Variants in SYNE2 observed in about 807,000 individuals in gnomAD.
The protein encoded by SYNE2 is nesprin-2.
A neutral mutation model predicts 856.3 loss-of-function variants in SYNE2; 431 were observed. The ratio of observed to expected loss-of-function variants is 0.50; its 90% CI spans 0.47 to 0.55. The LOEUF is 0.55. Among genes scored for constraint, SYNE2 ranks in the 20% least tolerant of loss-of-function variants. The pLI, the probability that SYNE2 is intolerant of heterozygous loss-of-function variation, is 0.00. For missense variants in SYNE2, 8,129 were observed against 8,023.2 expected (o/e 1.01, Z -0.50); for synonymous variants, 2,923 against 2,872.3 (o/e 1.02, Z -0.56).
At chr14:63,975,947 A>G (rs1326382795) in intron 11 of SYNE2, among the ~76,000 whole-genome samples, 1 of 152,200 alleles carries the variant, frequency 6.6e-6, no homozygotes, top group Non-Finnish European at 1.5e-5. Flanking sequence ...GGGCAGTGAG[A>G]ATGAAGACAC....
chr14:64,022,177 G>A, intron 37 of SYNE2, 149 bp downstream of exon 37: 1 of 768,800 alleles, frequency 1.3e-6, no homozygotes, highest in Non-Finnish European at 2.1e-6. Flanking sequence ...TCTTTTGGGA[G>A]CAAAGACTGA....
intron 1 of SYNE2, among the ~76,000 whole-genome samples, chr14:63,885,523 A>T (rs112671817): frequency 7.9e-5 from 12 of 152,112 alleles, no homozygotes; most frequent in African/African-American, 2.9e-4. Flanking sequence ...CCAATTTTCT[A>T]TTGTTTACAG....
intron 95 of SYNE2, among the ~76,000 whole-genome samples, chr14:64,177,049 C>T (rs1199602696): frequency 6.6e-6 from 1 of 152,152 alleles, no homozygotes; most frequent in African/African-American, 2.4e-5. Flanking sequence ...CCACCCGCCT[C>T]AGCCTCCCAA....
At chr14:63,853,511 G>A (rs1486891352) in intron 1 of SYNE2, among the ~76,000 whole-genome samples, 2 of 151,724 alleles carry the variant, frequency 1.3e-5, no homozygotes, top group Non-Finnish European at 2.9e-5. Context: ...TGCCCCGGCC[G>A]CCCCCTCCCG....
chr14:64,167,571 G>A lies in SYNE2; in HGVS notation c.16837G>A (p.Glu5613Lys), dbSNP rs2153723228. ...GTGGATCCAACTTTTGGAGAAGATAGAAGAAGCACTCAAAGTGGATGTGGC... is the reference window on the plus strand; with the variant it reads ...GTGGATCCAACTTTTGGAGAAGATAAAAGAAGCACTCAAAGTGGATGTGGC... ...EKWIQLLEKI[E>K]EALKVDVANS... Residue 5613 changes from glutamate (E) to lysine (K), a missense_variant, in exon 92 of 116, where the codon GAA becomes AAA. Physicochemically the swap from Glu to Lys is moderately conservative, Grantham distance 56. This residue lies in a region of SYNE2 where 5,410 missense variants were observed against 5,284.8 expected (regional missense o/e 1.02). Coordinates refer to ENST00000555002, the MANE Select transcript of SYNE2 (RefSeq NM_182914.3). The A allele has an allele frequency of 6.2e-7, 1 of 1,614,204 alleles. No homozygotes were observed. Among genetic ancestry groups the A allele is most frequent in the African/African-American group, 1.3e-5 (1 of 75,056 alleles).
chr14:64,000,079 A>C (rs2096742386), intron 27 of SYNE2, among the ~76,000 whole-genome samples: 1 of 152,220 alleles, frequency 6.6e-6, no homozygotes, highest in South Asian at 2.1e-4. Flanking sequence ...CTTACCAAAA[A>C]AAGCATCAAG....
At position 63,909,202 on chromosome 14, in the gene SYNE2, C is replaced by G. The variant is rs372179532; in HGVS notation, c.54C>G (p.Ile18Met). ...PTEDEQGSWG[I>M]DDLHISLQAE... The stretch of plus-strand genomic sequence containing the variant: ...AAGATGAACAGGGTTCCTGGGGCAT[C>G]GACGATCTCCATATTTCATTGCAAG... The change falls in exon 2 of 116, where the codon ATC becomes ATG. Residue 18 changes from isoleucine (I) to methionine (M), a missense_variant. Around this residue, in one of 3 missense-constraint regions of SYNE2, gnomAD observed 2,422 missense variants for 2,357.4 expected, o/e 1.03. Transcript: ENST00000555002. 6.2e-7 allele frequency: 1 copy of G among 1,612,704 alleles called. No individual in the cohort carries two copies. Among genetic ancestry groups the G allele is most frequent in the Non-Finnish European group, 8.5e-7 (1 of 1,179,300 alleles).
rs71120290 is a variant in SYNE2, at chr14:63,814,060, A to AAACAACAACAACAACAACAAC, written c.-304-38430_-304-38410dup. 3.3e-5 allele frequency among the ~76,000 whole-genome samples: 5 copies of AAACAACAACAACAACAACAAC among 150,006 alleles called. No homozygotes were observed. In the South Asian group the frequency reaches 1.1e-3, roughly 32 times the overall value. On this transcript the variant is annotated intron_variant, in intron 1 of 23. Transcript: ENST00000674003. ...GCAACACAGCGAGACTCTGTCTCAA[A>AAACAACAACAACAACAACAAC]AACAACAACAACAACAACAACAACA...
At chr14:64,006,319 C>T (rs1043896724) in intron 30 of SYNE2, among the ~76,000 whole-genome samples, 1 of 151,828 alleles carries the variant, frequency 6.6e-6, no homozygotes, top group Non-Finnish European at 1.5e-5. Context: ...TTGGCCGCCC[C>T]ATCCCTCCTT....
At chr14:63,917,855 C>CA (rs1238365216) in intron 2 of SYNE2, among the ~76,000 whole-genome samples, 5 of 148,982 alleles carry the variant, frequency 3.4e-5, no homozygotes, top group African/African-American at 1.3e-4. Context: ...AAGTGTTTTT[C>CA]AAATTTTTTT....
intron 31 of SYNE2, among the ~76,000 whole-genome samples, chr14:64,007,661 G>C (rs1464571843): frequency 6.6e-6 from 1 of 152,150 alleles, no homozygotes; most frequent in Non-Finnish European, 1.5e-5. Flanking sequence ...AGGATTGCTT[G>C]AGCCTATGTG....
chr14:63,765,464 C>T (rs566221091), intron 1 of SYNE2, among the ~76,000 whole-genome samples: 1 of 152,076 alleles, frequency 6.6e-6, no homozygotes, highest in South Asian at 2.1e-4. Flanking sequence ...ACCATTCTCC[C>T]ACCTCAGCCT....
At chr14:63,790,557 G>A (rs1887697419) in intron 1 of SYNE2, among the ~76,000 whole-genome samples, 1 of 152,048 alleles carries the variant, frequency 6.6e-6, no homozygotes. Context: ...TCCATTTGGT[G>A]GCAAAGTTTG....
chr14:64,122,152 G>A lies in SYNE2; in HGVS notation c.13280+19G>A. 1.9e-6 allele frequency: 3 copies of A among 1,614,130 alleles called. No homozygotes were observed. Among genetic ancestry groups the A allele is most frequent in the Admixed American group, 3.3e-5 (2 of 60,020 alleles). On this transcript the variant is annotated intron_variant, in intron 69 of 115. Transcript: ENST00000555002. ...CTGCAAGGTAAAACATTTAAAAATA[G>A]AGTTGGTCATTCAGTGGTTTTATGA...
chr14:63,945,548 T>C (rs2096012652), intron 6 of SYNE2, among the ~76,000 whole-genome samples: 1 of 152,232 alleles, frequency 6.6e-6, no homozygotes. Context: ...GAATATACCG[T>C]AACATATTTA....
At chr14:63,920,638 G>A (rs1226094775) in intron 2 of SYNE2, among the ~76,000 whole-genome samples, 3 of 151,468 alleles carry the variant, frequency 2.0e-5, no homozygotes, top group Non-Finnish European at 4.4e-5. Flanking sequence ...GGGAGTGAGG[G>A]TGGAGGCAGA....
chr14:64,111,571 G>A (rs1010445272), intron 65 of SYNE2, among the ~76,000 whole-genome samples: 15 of 152,096 alleles, frequency 9.9e-5, no homozygotes, highest in African/African-American at 3.1e-4. Context: ...GGTCTAGGCG[G>A]GTGGATCACT....
chr14:63,842,685 C>T (rs1048923861), intron 1 of SYNE2, among the ~76,000 whole-genome samples: 2 of 152,206 alleles, frequency 1.3e-5, no homozygotes, highest in Admixed American at 6.5e-5. Context: ...GTCTGGAACT[C>T]CTGACCTCAA....
intron 61 of SYNE2, 61 bp downstream of exon 61, chr14:64,093,541 C>T (rs1403920306): frequency 6.3e-7 from 1 of 1,596,716 alleles, no homozygotes; most frequent in Non-Finnish European, 8.6e-7. Flanking sequence ...TTATTTAATA[C>T]TTACTAAGCC....
Sources: allele counts gnomAD v4.1 joint callset (sites outside exome capture counted in the v4.1 genomes callset), GRCh38; gene constraint gnomAD v4.1.1; regional missense constraint gnomAD v4.1.1; transcripts MANE v1.5; gene names NCBI Gene and HGNC (gene_info 2026-07-23, HGNC 2026-07-21).